FANCC: variants seen among roughly 807,000 people sequenced by gnomAD.
FANCC encodes Fanconi anemia group C protein.
A neutral mutation model predicts 71.3 loss-of-function variants in FANCC; 55 were observed. The observed-to-expected ratio is 0.77, with a 90% confidence interval of 0.62 to 0.97. The LOEUF (loss-of-function observed/expected upper bound fraction) is 0.97. Among genes scored for constraint, FANCC ranks in the 50% least tolerant of loss-of-function variants. The probability of loss-of-function intolerance (pLI) is 0.00; values close to 1 mark genes in which losing one functional copy is unlikely to be tolerated. For missense variants in FANCC, 678 were observed against 670.9 expected (o/e 1.01, Z -0.12); for synonymous variants, 275 against 244.9 (o/e 1.12, Z -1.15).
intron 13 of FANCC, 77 bp from the exon 14 acceptor site, chr9:95,107,346 T>G: frequency 6.7e-7 from 1 of 1,490,838 alleles, no homozygotes; most frequent in South Asian, 1.2e-5. Flanking sequence ...TTTATTTGCT[T>G]TGAAACAACC....
At chr9:95,180,630 C>T (rs1325280739) in intron 4 of FANCC, among the ~76,000 whole-genome samples, 1 of 151,604 alleles carries the variant, frequency 6.6e-6, no homozygotes, top group African/African-American at 2.4e-5. Context: ...TGAGCCACCA[C>T]ATCTGGCCAA....
chr9:95,230,017 T>C (rs545413924), intron 4 of FANCC, among the ~76,000 whole-genome samples: 2 of 152,306 alleles, frequency 1.3e-5, no homozygotes, highest in African/African-American at 2.4e-5. Flanking sequence ...CAAAAAGACA[T>C]GGCCCAACTC....
At chr9:95,169,919 G>A (rs1244452766) in intron 6 of FANCC, among the ~76,000 whole-genome samples, 1 of 151,900 alleles carries the variant, frequency 6.6e-6, no homozygotes, top group African/African-American at 2.4e-5. Flanking sequence ...TTTCTATAAC[G>A]GAGTGTTTGC....
At chr9:95,194,111 C>G (rs1246628303) in intron 4 of FANCC, among the ~76,000 whole-genome samples, 1 of 152,014 alleles carries the variant, frequency 6.6e-6, no homozygotes, top group Non-Finnish European at 1.5e-5. Context: ...GATGTGCAGC[C>G]AGGGCCAAAA....
intron 12 of FANCC, 23 bp downstream of exon 12, chr9:95,114,606 G>C (rs750810628): frequency 1.3e-6 from 2 of 1,599,242 alleles, no homozygotes; most frequent in Non-Finnish European, 1.7e-6. Flanking sequence ...AAGTAGATTT[G>C]GGAGTGGTCA....
chr9:95,224,713 AT>A (rs891581765), intron 4 of FANCC, among the ~76,000 whole-genome samples: 7 of 151,228 alleles, frequency 4.6e-5, no homozygotes, highest in South Asian at 2.1e-4. Context: ...AGTATTTGTT[AT>A]TTTTTTTTAA....
chr9:95,182,901 G>A (rs1292522347), intron 4 of FANCC, among the ~76,000 whole-genome samples: 1 of 152,008 alleles, frequency 6.6e-6, no homozygotes, highest in African/African-American at 2.4e-5. Context: ...AAGGTGACTG[G>A]GGAAGGAGTA....
chr9:95,121,664 C>T (rs886922072), intron 10 of FANCC, among the ~76,000 whole-genome samples: 1 of 152,152 alleles, frequency 6.6e-6, no homozygotes, highest in Non-Finnish European at 1.5e-5. Flanking sequence ...TTCCCCACAG[C>T]CACACATGGC....
chr9:95,121,858 AT>A (rs61191938), intron 10 of FANCC, among the ~76,000 whole-genome samples: 1,500 of 138,014 alleles, frequency 0.011, 9 homozygotes, highest in East Asian at 0.033. Context: ...CATAAAATTC[AT>A]TTTTTTTTTT....
intron 1 of FANCC, among the ~76,000 whole-genome samples, chr9:95,300,690 C>T (rs907889687): frequency 6.6e-6 from 1 of 152,102 alleles, no homozygotes; most frequent in Non-Finnish European, 1.5e-5. Context: ...AATGACAGGA[C>T]AACTGACAAT....
At chr9:95,174,018 C>G (rs934797315) in intron 4 of FANCC, among the ~76,000 whole-genome samples, 18 of 152,144 alleles carry the variant, frequency 1.2e-4, no homozygotes, top group Admixed American at 1.2e-3. Flanking sequence ...TAAAAATAAT[C>G]CATAAATGAG....
intron 13 of FANCC, chr9:95,109,489 T>C (rs1252295738): frequency 6.6e-6 from 1 of 152,188 alleles, no homozygotes; most frequent in Non-Finnish European, 1.5e-5. Flanking sequence ...TGTACCTTAC[T>C]GATTCTTAAG....
At chr9:95,151,388 T>C (rs996120727) in intron 6 of FANCC, among the ~76,000 whole-genome samples, 3 of 152,200 alleles carry the variant, frequency 2.0e-5, no homozygotes, top group Admixed American at 1.3e-4. Context: ...TCATATGTAA[T>C]TGTAAATATA....
chr9:95,308,043 C>T (rs1179333835), intron 1 of FANCC, among the ~76,000 whole-genome samples: 1 of 152,204 alleles, frequency 6.6e-6, no homozygotes, highest in Non-Finnish European at 1.5e-5. Context: ...TCATGTACAT[C>T]AGTAATACCT....
chr9:95,292,628 C>T, intron 1 of FANCC: 1 of 1,420,936 alleles, frequency 7.0e-7, no homozygotes, highest in Non-Finnish European at 9.9e-7. Context: ...TGCCCAACAG[C>T]CCCGCGCTCA....
chr9:95,110,775 A>G, intron 13 of FANCC: 1 of 1,106,120 alleles, frequency 9.0e-7, no homozygotes, highest in East Asian at 4.5e-5. Context: ...AGAACCTAGC[A>G]AATCAATGCT....
intron 10 of FANCC, among the ~76,000 whole-genome samples, chr9:95,119,715 C>G (rs548023393): frequency 2.0e-5 from 3 of 150,190 alleles, no homozygotes; most frequent in Non-Finnish European, 4.4e-5. Flanking sequence ...ATTTTACATT[C>G]CTTTCTTATT....
At chr9:95,236,934 A>C (rs1830350068) in intron 4 of FANCC, among the ~76,000 whole-genome samples, 1 of 152,222 alleles carries the variant, frequency 6.6e-6, no homozygotes, top group Admixed American at 6.5e-5. Context: ...CCAAGATAAA[A>C]TCAAGTATAC....
chr9:95,208,424 C>T (rs1020302968), intron 4 of FANCC, among the ~76,000 whole-genome samples: 2 of 151,954 alleles, frequency 1.3e-5, no homozygotes, highest in African/African-American at 4.8e-5. Flanking sequence ...AGAAAAGTCA[C>T]CCATATTATC....
Sources: gnomAD v4.1 joint callset for allele counts (sites outside exome capture counted in the v4.1 genomes callset) on GRCh38, gnomAD v4.1.1 for gene constraint, MANE v1.5 for transcripts, NCBI Gene and HGNC (gene_info 2026-07-23, HGNC 2026-07-21) for gene names.